Variants in RAB11FIP2 observed in about 807,000 individuals in gnomAD.
The protein encoded by RAB11FIP2 is RAB11 family interacting protein 2.
In RAB11FIP2, 16 loss-of-function variants were observed where a neutral mutation model predicts 40.9. The observed-to-expected ratio is 0.39, with a 90% confidence interval of 0.26 to 0.59. The LOEUF (loss-of-function observed/expected upper bound fraction) is 0.59. Among genes scored for constraint, RAB11FIP2 ranks in the 20% least tolerant of loss-of-function variants. The pLI is 0.53. For missense variants in RAB11FIP2, 532 were observed against 606.2 expected (o/e 0.88, Z 1.28); for synonymous variants, 228 against 213.7 (o/e 1.07, Z -0.58).
At position 118,007,516 on chromosome 10, in the gene RAB11FIP2, A is replaced by T. The variant is rs1297807384; in HGVS notation, c.*1482T>A. On this transcript the variant is annotated 3_prime_UTR_variant, in exon 5 of 5. Transcript: ENST00000355624. ...TTTCAATGGAGTCTTAACAGAGATA[A>T]GTATTAGAAAAAAATGCAATTCATG... is the stretch of plus-strand genomic sequence containing the variant. 1 of 151,894 alleles carries T rather than the reference A, an allele frequency of 6.6e-6. No individual in the cohort carries two copies. The highest frequency in any genetic ancestry group is 1.5e-5 in the Non-Finnish European group (1 of 67,932). 9.4% of individuals were successfully genotyped at this position (151,894 alleles called of 1,614,324 possible).
intron 3 of RAB11FIP2, among the ~76,000 whole-genome samples, chr10:118,036,317 T>A (rs1255236111): frequency 6.6e-6 from 1 of 151,998 alleles, no homozygotes; most frequent in East Asian, 1.9e-4. Flanking sequence ...TGTAAATAGG[T>A]CTATTTAGCA....
chr10:118,038,366 T>G (rs1846508542), intron 3 of RAB11FIP2, among the ~76,000 whole-genome samples: 1 of 151,896 alleles, frequency 6.6e-6, no homozygotes, highest in African/African-American at 2.4e-5. Context: ...AGTTGGAAAA[T>G]CCAATCTTTC....
chr10:118,027,530 T>G (rs942295095), intron 3 of RAB11FIP2, among the ~76,000 whole-genome samples: 7 of 152,312 alleles, frequency 4.6e-5, no homozygotes, highest in African/African-American at 1.7e-4. Context: ...ACAAAATATG[T>G]GATTAACTGG....
intron 3 of RAB11FIP2, chr10:118,018,321 A>G (rs1846245809): frequency 6.6e-6 from 1 of 152,224 alleles, no homozygotes; most frequent in Admixed American, 6.5e-5. Context: ...CCAATTTGTG[A>G]TATCTTTCTC....
intron 3 of RAB11FIP2, among the ~76,000 whole-genome samples, chr10:118,019,495 G>C (rs558567002): frequency 1.3e-5 from 2 of 152,220 alleles, no homozygotes; most frequent in South Asian, 4.1e-4. Context: ...CAAGGAGTGT[G>C]TCCTATTGAT....
At chr10:118,010,619 C>T (rs1589636284) in intron 4 of RAB11FIP2, among the ~76,000 whole-genome samples, 1 of 152,002 alleles carries the variant, frequency 6.6e-6, no homozygotes, top group African/African-American at 2.4e-5. Flanking sequence ...AGTACAGATA[C>T]CAATTTGATG....
chr10:118,030,575 C>T (rs964004621), intron 3 of RAB11FIP2, among the ~76,000 whole-genome samples: 4 of 152,144 alleles, frequency 2.6e-5, no homozygotes, highest in Admixed American at 6.6e-5. Flanking sequence ...TCTTTTAGCA[C>T]CTGTCAAGTG....
chr10:118,026,381 T>C (rs7081785), intron 3 of RAB11FIP2, among the ~76,000 whole-genome samples: 7,161 of 152,250 alleles, frequency 0.047, 399 homozygotes, highest in East Asian at 0.17. Context: ...TTCTGATATA[T>C]TAAAGAACCT....
Position 118,040,444 on chromosome 10 carries a change from T to C in RAB11FIP2, c.475A>G (p.Lys159Glu), listed in dbSNP as rs1248275419. ...ASMFDLSMKD[K>E]TRSPFAKLKD... ...AACTTTGCAAAAGGAGATCTGGTTT[T>C]GTCCTTCATTGATAAGTCAAACATA... The change falls in exon 2 of 5, where the codon AAA becomes GAA. Residue 159 changes from lysine (K) to glutamate (E), a missense_variant. By Grantham distance (56) the Lys-to-Glu change is moderately conservative. Transcript: ENST00000355624. The C allele has an allele frequency of 7.4e-6, 12 of 1,613,670 alleles. No individual in the cohort carries two copies. Among genetic ancestry groups the C allele is most frequent in the Non-Finnish European group, 9.3e-6 (11 of 1,179,594 alleles).
At chr10:118,040,632 T>C in intron 1 of RAB11FIP2, 67 bp from the exon 2 acceptor site, 2 of 1,156,690 alleles carry the variant, frequency 1.7e-6, no homozygotes, top group Non-Finnish European at 2.4e-6. Context: ...TTCTGTTACA[T>C]ACAAATAGCC....
chr10:118,020,297 A>C (rs949282363), intron 3 of RAB11FIP2, among the ~76,000 whole-genome samples: 2 of 152,226 alleles, frequency 1.3e-5, no homozygotes, highest in African/African-American at 4.8e-5. Flanking sequence ...CAATGAGTCC[A>C]GGGCAATTTC....
intron 3 of RAB11FIP2, among the ~76,000 whole-genome samples, chr10:118,035,106 G>A (rs889464077): frequency 2.0e-5 from 3 of 152,120 alleles, no homozygotes; most frequent in Non-Finnish European, 2.9e-5. Flanking sequence ...TGATCTTGGA[G>A]GCCATGTGTT....
chr10:118,010,850 G>A (rs550162369), intron 4 of RAB11FIP2, among the ~76,000 whole-genome samples: 1 of 152,132 alleles, frequency 6.6e-6, no homozygotes, highest in Admixed American at 6.5e-5. Flanking sequence ...GTGGCCAACA[G>A]GTAATCCAAT....
intron 3 of RAB11FIP2, among the ~76,000 whole-genome samples, chr10:118,028,442 T>C (rs1022799305): frequency 1.1e-4 from 17 of 152,122 alleles, no homozygotes; most frequent in Non-Finnish European, 2.5e-4. Flanking sequence ...TAGTCTTAGA[T>C]ACCAGTTACA....
chr10:118,025,450 A>G (rs2133171572), intron 3 of RAB11FIP2, among the ~76,000 whole-genome samples: 1 of 152,368 alleles, frequency 6.6e-6, no homozygotes, highest in Admixed American at 6.5e-5. Context: ...GTTTCACTAC[A>G]AGAAGTTTTT....
rs1287419521 is a variant in RAB11FIP2, at chr10:118,008,467, T to C, written c.*531A>G. 2 of 153,938 alleles carry C rather than the reference T, an allele frequency of 1.3e-5. No homozygotes were observed. Among genetic ancestry groups the C allele is most frequent in the African/African-American group, 4.8e-5 (2 of 41,438 alleles). The allele number at this position is 153,938 out of a possible 1,614,324, so 9.5% of individuals were successfully genotyped here. ...TGTTTCTAAATGTTCTAAAAACACATGTATATATGAGGTATATGCCTATAT... is the reference window on the plus strand; with the variant it reads ...TGTTTCTAAATGTTCTAAAAACACACGTATATATGAGGTATATGCCTATAT... On this transcript the variant is annotated 3_prime_UTR_variant, in exon 5 of 5. Transcript: ENST00000355624.
At chr10:118,020,500 C>A (rs1846270816) in intron 3 of RAB11FIP2, among the ~76,000 whole-genome samples, 1 of 152,196 alleles carries the variant, frequency 6.6e-6, no homozygotes, top group Admixed American at 6.5e-5. Flanking sequence ...CCTGGGCTTG[C>A]CCACTGGCTT....
At position 118,046,152 on chromosome 10, in the gene RAB11FIP2, G is replaced by C; in HGVS notation, c.12C>G (p.Ser4=). The C allele has an allele frequency of 6.2e-7, 1 of 1,613,672 alleles. No individual in the cohort carries two copies. The highest frequency in any genetic ancestry group is 8.5e-7 in the Non-Finnish European group (1 of 1,179,848). Residue 4 remains serine (S), a synonymous_variant, in exon 1 of 5, where the codon TCC becomes TCG. Coordinates refer to ENST00000355624, the MANE Select transcript of RAB11FIP2 (RefSeq NM_014904.3). ...TTGGAAACCACTTTTGGGCTTGCTC[G>C]GACAGCATCATCCTGTCCTGTTTCT... MML[S]EQAQKWFPTH...
At chr10:118,031,130 C>T (rs1589644805) in intron 3 of RAB11FIP2, among the ~76,000 whole-genome samples, 1 of 152,056 alleles carries the variant, frequency 6.6e-6, no homozygotes, top group East Asian at 1.9e-4. Flanking sequence ...CCATGAATAA[C>T]AGGCAAATTA....
Sources: allele counts gnomAD v4.1 joint callset (sites outside exome capture counted in the v4.1 genomes callset), GRCh38; gene constraint gnomAD v4.1.1; transcripts MANE v1.5; gene names NCBI Gene and HGNC (gene_info 2026-07-23, HGNC 2026-07-21).